Variants in SGK1 observed in about 807,000 individuals in gnomAD.
The protein encoded by SGK1 is serum/glucocorticoid regulated kinase 1.
In SGK1, 26 loss-of-function variants were observed where a neutral mutation model predicts 64.2. That is an observed-to-expected ratio of 0.40 (90% CI 0.30 to 0.56). The LOEUF (loss-of-function observed/expected upper bound fraction) is 0.56, where lower values mean the gene tolerates loss of function less well. Among genes scored for constraint, SGK1 ranks in the 20% least tolerant of loss-of-function variants. The pLI is 0.38. For synonymous variants in SGK1, 265 were observed against 239.7 expected (o/e 1.11, Z -0.98); for missense variants, 519 against 645.6 (o/e 0.80, Z 2.12).
chr6:134,298,870 G>C (rs1158271069), intron 1 of SGK1, among the ~76,000 whole-genome samples: 1 of 151,504 alleles, frequency 6.6e-6, no homozygotes, highest in Non-Finnish European at 1.5e-5. Context: ...GCTCAATCTC[G>C]GCTCACTGCA....
intron 3 of SGK1, among the ~76,000 whole-genome samples, chr6:134,190,614 T>C (rs1278236022): frequency 6.6e-6 from 1 of 152,100 alleles, no homozygotes; most frequent in Non-Finnish European, 1.5e-5. Context: ...TTAACACCCC[T>C]TGTCACTGTT....
At chr6:134,170,476 A>G in intron 13 of SGK1, 41 bp from the exon 14 acceptor site, 1 of 1,573,342 alleles carries the variant, frequency 6.4e-7, no homozygotes, top group South Asian at 1.1e-5. Context: ...AAGAACTCAC[A>G]CTAGACACAG....
intron 1 of SGK1, among the ~76,000 whole-genome samples, chr6:134,316,743 CAAAAAAAAAAAAAAA>C (rs141130901): frequency 2.8e-4 from 11 of 39,332 alleles, no homozygotes; most frequent in Admixed American, 2.5e-3. Context: ...TGCTCTCTCC[CAAAAAAAAAAAAAAA>C]AAAAAAAAAA....
rs899054587 is a variant in SGK1, at chr6:134,282,743, T to C, written c.70-20595A>G. Among the ~76,000 whole-genome samples, 16 of 151,660 alleles carry C rather than the reference T, an allele frequency of 1.1e-4. 1 individual carries two copies. The highest frequency in any genetic ancestry group is 3.7e-4 in the African/African-American group (15 of 40,990). On this transcript the variant is annotated intron_variant, in intron 1 of 13. Transcript: ENST00000367858. ...AAAAGCATTAAGAGTAAAGCTGAGG[T>C]TTTCCTGAGGAATAATAAATTATGC...
intron 2 of SGK1, among the ~76,000 whole-genome samples, chr6:134,248,983 C>G (rs925767139): frequency 1.3e-5 from 2 of 152,040 alleles, no homozygotes; most frequent in African/African-American, 4.8e-5. Flanking sequence ...CAAGATTGTT[C>G]GTGGTTTCAG....
chr6:134,203,624 C>A (rs1334862434), intron 3 of SGK1, among the ~76,000 whole-genome samples: 1 of 152,044 alleles, frequency 6.6e-6, no homozygotes, highest in African/African-American at 2.4e-5. Context: ...GAAAAATATG[C>A]CATGTGAAAA....
chr6:134,170,485 A>G (rs1774979994), intron 13 of SGK1, 50 bp from the exon 14 acceptor site: 2 of 1,525,256 alleles, frequency 1.3e-6, no homozygotes, highest in Admixed American at 2.0e-5. Context: ...CACTAGACAC[A>G]GGACAGGGAA....
intron 3 of SGK1, among the ~76,000 whole-genome samples, chr6:134,190,094 C>T (rs1330080668): frequency 6.6e-6 from 1 of 152,184 alleles, no homozygotes; most frequent in Admixed American, 6.5e-5. Flanking sequence ...AAGTGATCGG[C>T]CCGCCTTGGC....
intron 2 of SGK1, chr6:134,215,230 C>T (rs571856355): frequency 2.6e-5 from 10 of 386,162 alleles, no homozygotes; most frequent in Admixed American, 2.6e-4. Flanking sequence ...ATTCTCGTGC[C>T]TCAGCCTCCT....
chr6:134,222,796 G>A (rs1159600377), intron 2 of SGK1, among the ~76,000 whole-genome samples: 4 of 152,072 alleles, frequency 2.6e-5, no homozygotes, highest in African/African-American at 9.7e-5. Flanking sequence ...CTATGACCAG[G>A]TTTTCTTGCA....
chr6:134,287,212 T>TC (rs1158551911), intron 1 of SGK1, among the ~76,000 whole-genome samples: 1 of 152,220 alleles, frequency 6.6e-6, no homozygotes, highest in Non-Finnish European at 1.5e-5. Context: ...CCTCAAATGA[T>TC]CCACCTGCCT....
intron 3 of SGK1, among the ~76,000 whole-genome samples, chr6:134,201,321 A>G (rs1314576134): frequency 1.3e-5 from 2 of 151,446 alleles, no homozygotes; most frequent in African/African-American, 2.4e-5. Flanking sequence ...CGGCCTCCCA[A>G]GGTGCTGGGA....
intron 3 of SGK1, chr6:134,174,898 G>T (rs1775172132): frequency 1.9e-6 from 3 of 1,581,506 alleles, no homozygotes; most frequent in South Asian, 1.1e-5. Flanking sequence ...TATAAAAAAG[G>T]CACCGCCGCG....
At position 134,232,413 on chromosome 6, in the gene SGK1, G is replaced by GAAAAGAAAGAGAGAGAGAA. The variant is rs79009962; in HGVS notation, c.286-24983_286-24982insTTCTCTCTCTCTTTCTTTT. Among the ~76,000 whole-genome samples, 12 of 47,706 alleles carry GAAAAGAAAGAGAGAGAGAA rather than the reference G, an allele frequency of 2.5e-4. 1 individual carries two copies. The highest frequency in any genetic ancestry group is 3.3e-4 in the Non-Finnish European group (8 of 24,030). The allele number at this position is 47,706 out of a possible 152,430, so 31.3% of individuals were successfully genotyped here. The stretch of plus-strand genomic sequence containing the variant: ...AAAAGAAAGAAGAAAAAGAAAGAAA[G>GAAAAGAAAGAGAGAGAGAA]AGAAAGAAAGAAAGAAAGAAAGAAA... On this transcript the variant is annotated intron_variant, in intron 2 of 13. Coordinates refer to ENST00000367858, the MANE Select transcript of SGK1 (RefSeq NM_001143676.3).
chr6:134,234,806 G>C (rs1446047882), intron 2 of SGK1, among the ~76,000 whole-genome samples: 1 of 152,208 alleles, frequency 6.6e-6, no homozygotes, highest in Non-Finnish European at 1.5e-5. Context: ...AACCTGGGAG[G>C]TGGAGGTTGC....
At chr6:134,199,558 C>CAAAAAA (rs369760659) in intron 3 of SGK1, among the ~76,000 whole-genome samples, 12 of 81,288 alleles carry the variant, frequency 1.5e-4, no homozygotes, top group African/African-American at 3.0e-4. Context: ...GACTCTCTCT[C>CAAAAAA]AAAAAAAAAA....
At chr6:134,267,828 A>G (rs1776876733) in intron 1 of SGK1, among the ~76,000 whole-genome samples, 1 of 151,830 alleles carries the variant, frequency 6.6e-6, no homozygotes, top group South Asian at 2.1e-4. Flanking sequence ...GTTACTTACA[A>G]AAATGAATCC....
At chr6:134,316,859 C>T (rs1345650202) in intron 1 of SGK1, among the ~76,000 whole-genome samples, 2 of 150,226 alleles carry the variant, frequency 1.3e-5, no homozygotes, top group Non-Finnish European at 3.0e-5. Flanking sequence ...TGTAAAAGGT[C>T]ATTCTACTCC....
intron 3 of SGK1, among the ~76,000 whole-genome samples, chr6:134,179,087 A>G (rs1300056830): frequency 6.6e-6 from 1 of 152,162 alleles, no homozygotes; most frequent in Non-Finnish European, 1.5e-5. Flanking sequence ...TTAATTTTAA[A>G]AGGCTTATAA....
Sources: gnomAD v4.1 joint callset for allele counts (sites outside exome capture counted in the v4.1 genomes callset) on GRCh38, gnomAD v4.1.1 for gene constraint, MANE v1.5 for transcripts, NCBI Gene and HGNC (gene_info 2026-07-23, HGNC 2026-07-21) for gene names.